The following FAM135B variants were observed in gnomAD, a reference collection of about 807,000 sequenced individuals.
The protein encoded by FAM135B is protein FAM135B.
Under a neutral mutation model 127.7 loss-of-function variants are expected in FAM135B, and 43 were observed. The ratio of observed to expected loss-of-function variants is 0.34; its 90% CI spans 0.26 to 0.43. The LOEUF (loss-of-function observed/expected upper bound fraction) is 0.43, where lower values mean the gene tolerates loss of function less well. Ranked by LOEUF, FAM135B falls within the 20% of genes least tolerant of loss-of-function variation. The pLI is 1.00. For synonymous variants in FAM135B, 670 were observed against 665.1 expected, an observed-to-expected ratio of 1.01 and a Z score of -0.11; for missense variants, 1,558 against 1,725.6, an observed-to-expected ratio of 0.90 and a Z score of 1.72.
At chr8:138,347,581 A>C (rs1829501695) in intron 2 of FAM135B, among the ~76,000 whole-genome samples, 1 of 152,176 alleles carries the variant, frequency 6.6e-6, no homozygotes, top group Admixed American at 6.5e-5. Context: ...CTGCTTTTAT[A>C]ATTAACAGCC....
At chr8:138,424,106 A>C (rs1382811145) in intron 1 of FAM135B, among the ~76,000 whole-genome samples, 3 of 152,136 alleles carry the variant, frequency 2.0e-5, no homozygotes, top group Non-Finnish European at 4.4e-5. Context: ...CTCTACAAAC[A>C]ATTTGTGCAG....
chr8:138,290,256 C>G (rs1017421921), intron 3 of FAM135B, among the ~76,000 whole-genome samples: 3 of 152,156 alleles, frequency 2.0e-5, no homozygotes, highest in African/African-American at 4.8e-5. Flanking sequence ...GGAGCAAGGA[C>G]TCAGTGATTC....
intron 1 of FAM135B, among the ~76,000 whole-genome samples, chr8:138,400,698 AC>A (rs1833111237): frequency 6.6e-6 from 1 of 152,144 alleles, no homozygotes; most frequent in African/African-American, 2.4e-5. Context: ...GGAATGTGCT[AC>A]CTTTCAAGGC....
chr8:138,213,980 G>A (rs1448483906), intron 7 of FAM135B, among the ~76,000 whole-genome samples: 3 of 152,008 alleles, frequency 2.0e-5, no homozygotes, highest in Non-Finnish European at 2.9e-5. Context: ...TTCTAACCCA[G>A]GGACCAAAGC....
chr8:138,195,158 G>T lies in FAM135B; in HGVS notation c.873+100C>A. 2.8e-6 allele frequency: 3 copies of T among 1,069,004 alleles called. No individual in the cohort carries two copies. The Admixed American group carries it at 6.0e-5, about 21-fold the overall frequency. The allele number at this position is 1,069,004 out of a possible 1,614,324, so 66.2% of individuals were successfully genotyped here. The stretch of plus-strand genomic sequence containing the variant: ...GGTATCTAGAGTGAAGTTACAAGTG[G>T]TGTCTTTTCACTTCTGTTTTTTACA... On this transcript the variant is annotated intron_variant, in intron 9 of 19. Coordinates refer to ENST00000395297, the MANE Select transcript of FAM135B (RefSeq NM_015912.4).
intron 1 of FAM135B, among the ~76,000 whole-genome samples, chr8:138,429,527 G>A (rs537104654): frequency 6.6e-6 from 1 of 152,296 alleles, no homozygotes; most frequent in African/African-American, 2.4e-5. Flanking sequence ...CAAAAGAAAT[G>A]AGAAAGCTGA....
At chr8:138,392,910 A>G (rs1832661068) in intron 1 of FAM135B, among the ~76,000 whole-genome samples, 1 of 152,162 alleles carries the variant, frequency 6.6e-6, no homozygotes, top group East Asian at 1.9e-4. Flanking sequence ...GTGTTGTATT[A>G]GTCTGTTTTC....
At chr8:138,266,993 AT>A (rs1189710496) in intron 3 of FAM135B, among the ~76,000 whole-genome samples, 1 of 152,084 alleles carries the variant, frequency 6.6e-6, no homozygotes, top group Non-Finnish European at 1.5e-5. Flanking sequence ...CATAAGGTAA[AT>A]TTTACACCAG....
chr8:138,316,619 T>A (rs1177984462), intron 2 of FAM135B, among the ~76,000 whole-genome samples: 2 of 152,268 alleles, frequency 1.3e-5, no homozygotes, highest in South Asian at 2.1e-4. Context: ...AGTGGATCAC[T>A]CACACATTGC....
intron 7 of FAM135B, among the ~76,000 whole-genome samples, chr8:138,239,931 T>C (rs1020867302): frequency 7.3e-6 from 1 of 136,816 alleles, no homozygotes; most frequent in Non-Finnish European, 1.5e-5. Flanking sequence ...TTCTCACTCA[T>C]AGGTAGGAAT....
chr8:138,273,013 G>A (rs978079504), intron 3 of FAM135B, among the ~76,000 whole-genome samples: 4 of 152,144 alleles, frequency 2.6e-5, no homozygotes, highest in Non-Finnish European at 5.9e-5. Flanking sequence ...AGGGTTTTAC[G>A]AGATGACCTA....
intron 1 of FAM135B, among the ~76,000 whole-genome samples, chr8:138,435,777 C>G (rs2131525513): frequency 6.6e-6 from 1 of 152,240 alleles, no homozygotes; most frequent in African/African-American, 2.4e-5. Context: ...TCAAAATTGT[C>G]TTTCTAAATT....
rs116471455 is a variant in FAM135B at position 138,289,530 on chromosome 8, G to A, written c.157+21311C>T. Among the ~76,000 whole-genome samples, 876 of 152,312 alleles carry A rather than the reference G, an allele frequency of 5.8e-3. 7 individuals carry two copies. Among genetic ancestry groups the A allele is most frequent in the African/African-American group, 0.02 (843 of 41,574 alleles). On this transcript the variant is annotated intron_variant, in intron 3 of 19. Coordinates refer to ENST00000395297, the MANE Select transcript of FAM135B (RefSeq NM_015912.4). ...TTCCAGCTCGGTGGTATCTTCCCAG[G>A]AGACCCGCTTAGCGCAAGGAGGAAA...
intron 10 of FAM135B, among the ~76,000 whole-genome samples, chr8:138,178,251 GAAA>G (rs112388247): frequency 2.5e-4 from 33 of 132,068 alleles, no homozygotes; most frequent in Non-Finnish European, 3.5e-4. Context: ...CCATCTCAAA[GAAA>G]AAAAAAAAAA....
At chr8:138,429,839 C>T (rs1835098725) in intron 1 of FAM135B, among the ~76,000 whole-genome samples, 1 of 152,066 alleles carries the variant, frequency 6.6e-6, no homozygotes, top group East Asian at 1.9e-4. Flanking sequence ...ATCCAGAAAG[C>T]CCTTTTCAGA....
rs865802310 is a variant in FAM135B, at chr8:138,354,357, C to T, written c.77+13550G>A. On this transcript the variant is annotated intron_variant, in intron 2 of 19. Coordinates refer to ENST00000395297, the MANE Select transcript of FAM135B (RefSeq NM_015912.4). ...ACTTGTATGCAGTACTCTTGAAAACCCTAGCACTACCCAGGAGATGACATG... is the reference window on the plus strand; with the variant it reads ...ACTTGTATGCAGTACTCTTGAAAACTCTAGCACTACCCAGGAGATGACATG... 3.9e-4 allele frequency among the ~76,000 whole-genome samples: 59 copies of T among 152,160 alleles called. 1 individual carries two copies. Among genetic ancestry groups the T allele is most frequent in the African/African-American group, 1.4e-3 (57 of 41,550 alleles).
intron 1 of FAM135B, among the ~76,000 whole-genome samples, chr8:138,492,816 T>C (rs938752474): frequency 3.3e-5 from 5 of 152,162 alleles, no homozygotes; most frequent in African/African-American, 1.2e-4. Flanking sequence ...CTAGGAAATA[T>C]GTCGGAGGCT....
chr8:138,407,017 C>T (rs1833546900), intron 1 of FAM135B, among the ~76,000 whole-genome samples: 1 of 150,520 alleles, frequency 6.6e-6, no homozygotes, highest in African/African-American at 2.5e-5. Context: ...CCCAATGTCT[C>T]AGCCCAAAAT....
intron 7 of FAM135B, among the ~76,000 whole-genome samples, chr8:138,225,758 G>A (rs1411866275): frequency 6.6e-6 from 1 of 152,150 alleles, no homozygotes; most frequent in Non-Finnish European, 1.5e-5. Context: ...TTGAGACAAG[G>A]GGTGGGCAGT....
Sources: gnomAD v4.1 joint callset for allele counts (sites outside exome capture counted in the v4.1 genomes callset) on GRCh38, gnomAD v4.1.1 for gene constraint, MANE v1.5 for transcripts, NCBI Gene and HGNC (gene_info 2026-07-23, HGNC 2026-07-21) for gene names.